Variants in DSG1 observed in about 807,000 individuals in gnomAD.
DSG1 encodes the protein desmoglein 1, also known as desmoglein-1.
Under a neutral mutation model 97.5 loss-of-function variants are expected in DSG1, and 39 were observed. The observed-to-expected ratio is 0.40, with a 90% confidence interval of 0.31 to 0.52. The LOEUF is 0.52. DSG1 is among the 20% of genes least tolerant of loss of function. The pLI is 0.53. For missense variants in DSG1, 1,311 were observed against 1,295.4 expected, an observed-to-expected ratio of 1.01 and a Z score of -0.18; for synonymous variants, 475 against 443.4, an observed-to-expected ratio of 1.07 and a Z score of -0.90.
chr18:31,349,470 G>C (rs1383764375), intron 14 of DSG1, among the ~76,000 whole-genome samples: 1 of 150,568 alleles, frequency 6.6e-6, no homozygotes, highest in Non-Finnish European at 1.5e-5. Context: ...GGTTCCATAT[G>C]AACTTTAAAG....
At chr18:31,343,216 A>G (rs2071801734) in intron 11 of DSG1, among the ~76,000 whole-genome samples, 1 of 152,032 alleles carries the variant, frequency 6.6e-6, no homozygotes, top group African/African-American at 2.4e-5. Flanking sequence ...CAGGCCCACT[A>G]TTTGTAATTT....
At position 31,357,990 on chromosome 18, in the gene DSG1, C is replaced by A. The variant is rs945264154; in HGVS notation, c.*2644C>A. ...AAGAAGTTTTGGGCAGAACTTCATT[C>A]TTCTTCTTAGATGTTTACTCTAGAT... On this transcript the variant is annotated 3_prime_UTR_variant, in exon 15 of 15. Transcript: ENST00000257192. Among the ~76,000 whole-genome samples the A allele has an allele frequency of 6.6e-6, 1 of 151,902 alleles. No individual in the cohort carries two copies. The highest frequency in any genetic ancestry group is 1.5e-5 in the Non-Finnish European group (1 of 67,868).
intron 4 of DSG1, among the ~76,000 whole-genome samples, chr18:31,329,084 A>G (rs1194055003): frequency 6.6e-6 from 1 of 152,122 alleles, no homozygotes; most frequent in Non-Finnish European, 1.5e-5. Flanking sequence ...TCTTCATTAA[A>G]TCAAAAGCAG....
In DSG1 at chr18:31,329,978, C is replaced by T; in HGVS notation, c.459C>T (p.Asn153=). 1.2e-6 allele frequency: 2 copies of T among 1,613,284 alleles called. No homozygotes were observed. Among genetic ancestry groups the T allele is most frequent in the Non-Finnish European group, 1.7e-6 (2 of 1,179,396 alleles). ...TCAGGGTTTTGGATATAAATGACAACCCTCCAGTGTTTTCAATGGCTACAT... is the reference window on the plus strand; with the variant it reads ...TCAGGGTTTTGGATATAAATGACAATCCTCCAGTGTTTTCAATGGCTACAT... ...LRVRVLDIND[N]PPVFSMATFA... is the part of the protein sequence containing the mutation. The change falls in exon 5 of 15, where the codon AAC becomes AAT. Residue 153 remains asparagine, a synonymous_variant. Coordinates refer to ENST00000257192, the MANE Select transcript of DSG1 (RefSeq NM_001942.4).
At position 31,355,365 on chromosome 18, in the gene DSG1, T is replaced by G; in HGVS notation, c.*19T>G. ...CAAGTAGTCAGGACCCCAGCTCACTTTTTCATAGTCATTGTGGTTTAGATC... is the reference window on the plus strand; with the variant it reads ...CAAGTAGTCAGGACCCCAGCTCACTGTTTCATAGTCATTGTGGTTTAGATC... On this transcript the variant is annotated 3_prime_UTR_variant, in exon 15 of 15. Transcript: ENST00000257192. 6.2e-7 allele frequency: 1 copy of G among 1,611,326 alleles called. No homozygotes were observed. The highest frequency in any genetic ancestry group is 1.3e-5 in the African/African-American group (1 of 74,976).
Position 31,336,491 on chromosome 18 carries a change from A to G in DSG1, c.1143A>G (p.Glu381=). ...AISVTVLNVI[E]GPVFRPGSKT... ...CTGTGACTGTGTTAAATGTAATTGA[A>G]GGCCCAGTGTTTCGTCCAGGTTCAA... is the stretch of plus-strand genomic sequence containing the variant. The change falls in exon 9 of 15, where the codon GAA becomes GAG. Residue 381 remains glutamate (E), a synonymous_variant. Coordinates refer to ENST00000257192, the MANE Select transcript of DSG1 (RefSeq NM_001942.4). 1 of 1,614,070 alleles carries G rather than the reference A, an allele frequency of 6.2e-7. No individual in the cohort carries two copies. The highest frequency in any genetic ancestry group is 1.1e-5 in the South Asian group (1 of 91,084).
intron 14 of DSG1, among the ~76,000 whole-genome samples, chr18:31,352,896 T>C (rs1265908612): frequency 5.0e-4 from 58 of 116,622 alleles, no homozygotes; most frequent in Non-Finnish European, 8.4e-4. Context: ...AGTTTTCAAC[T>C]TCTTTGCCTT....
intron 7 of DSG1, 49 bp from the exon 8 acceptor site, chr18:31,333,966 TTC>T (rs5823800): frequency 0.46 from 608,448 of 1,329,228 alleles, 148,032 homozygotes; most frequent in Non-Finnish European, 0.49. Flanking sequence ...CCTACTGTAG[TTC>T]TCTCTCTTTC....
At chr18:31,327,371 CT>C (rs1279053677) in intron 3 of DSG1, among the ~76,000 whole-genome samples, 1 of 152,122 alleles carries the variant, frequency 6.6e-6, no homozygotes, top group Non-Finnish European at 1.5e-5. Flanking sequence ...TGAATTCCTA[CT>C]TTTTTGTTTG....
rs1250908280 is a variant in DSG1 at position 31,326,876 on chromosome 18, A to G, written c.87A>G (p.Val29=). Residue 29 remains valine, a splice_region_variant and synonymous_variant, in exon 3 of 15, where the codon GTA becomes GTG. Transcript: ENST00000257192. ...VEVNSEFRIQ[V]RDYNTKNGTI... The stretch of plus-strand genomic sequence containing the variant: ...TTTCTTTATTGCTGTCATTTAAGGT[A>G]AGAGATTATAACACTAAAAATGGCA... 4 of 1,613,496 alleles carry G rather than the reference A, an allele frequency of 2.5e-6. No homozygotes were observed. Among genetic ancestry groups the G allele is most frequent in the Non-Finnish European group, 3.4e-6 (4 of 1,179,622 alleles).
chr18:31,328,049 T>C, intron 3 of DSG1, 140 bp from the exon 4 acceptor site: 1 of 810,700 alleles, frequency 1.2e-6, no homozygotes, highest in Non-Finnish European at 1.9e-6. Flanking sequence ...GTTACTCTTA[T>C]CTAGGAAAAT....
rs2071734495 is a variant in DSG1, at chr18:31,333,693, T to C, written c.789T>C (p.Asn263=). The C allele has an allele frequency of 6.2e-7, 1 of 1,613,828 alleles. No homozygotes were observed. Among genetic ancestry groups the C allele is most frequent in the Non-Finnish European group, 8.5e-7 (1 of 1,179,744 alleles). Residue 263 remains asparagine (N), a synonymous_variant, in exon 7 of 15, where the codon AAT becomes AAC. Coordinates refer to ENST00000257192, the MANE Select transcript of DSG1 (RefSeq NM_001942.4). ...GCAACATTAAAATCCTCGATGTCAATGATAATATCCCTTACATGGAACAGT... is the reference window on the plus strand; with the variant it reads ...GCAACATTAAAATCCTCGATGTCAACGATAATATCCCTTACATGGAACAGT... ...CECNIKILDV[N]DNIPYMEQSS...
At chr18:31,326,848 C>A (rs747620523) in intron 2 of DSG1, 26 bp from the exon 3 acceptor site, 1 of 1,608,614 alleles carries the variant, frequency 6.2e-7, no homozygotes, top group Non-Finnish European at 8.5e-7. Flanking sequence ...TTAATATATA[C>A]CATTTCTTTA....
chr18:31,320,589 T>C (rs2071647322), intron 1 of DSG1, among the ~76,000 whole-genome samples: 1 of 152,218 alleles, frequency 6.6e-6, no homozygotes, highest in African/African-American at 2.4e-5. Context: ...GGCTATTCCA[T>C]TGTTCTGACA....
chr18:31,326,536 C>A, intron 1 of DSG1, 45 bp from the exon 2 acceptor site: 3 of 1,381,886 alleles, frequency 2.2e-6, no homozygotes, highest in South Asian at 1.2e-5. Flanking sequence ...AATTTTAAAG[C>A]ATTTAATTAA....
chr18:31,327,204 T>C (rs763179996), intron 3 of DSG1, among the ~76,000 whole-genome samples, 199 bp downstream of exon 3: 1 of 152,042 alleles, frequency 6.6e-6, no homozygotes, highest in Non-Finnish European at 1.5e-5. Flanking sequence ...CAGGCAAACG[T>C]TGACTCACCT....
chr18:31,319,933 T>C (rs2071643328), intron 1 of DSG1, among the ~76,000 whole-genome samples: 1 of 151,942 alleles, frequency 6.6e-6, no homozygotes, highest in African/African-American at 2.4e-5. Flanking sequence ...TTTTTGGGAA[T>C]GGGGGAAGAG....
intron 11 of DSG1, among the ~76,000 whole-genome samples, chr18:31,341,043 G>A (rs973922224): frequency 2.6e-5 from 4 of 152,158 alleles, no homozygotes; most frequent in African/African-American, 7.2e-5. Flanking sequence ...GGCCACTAGG[G>A]TAGCACTAGT....
chr18:31,330,180 A>T (rs893999726), intron 5 of DSG1, 144 bp downstream of exon 5: 13 of 1,057,120 alleles, frequency 1.2e-5, no homozygotes, highest in Non-Finnish European at 1.8e-5. Flanking sequence ...TCAACTACGG[A>T]AGCAGCTCCA....
Sources: gnomAD v4.1 joint callset for allele counts (sites outside exome capture counted in the v4.1 genomes callset) on GRCh38, gnomAD v4.1.1 for gene constraint, MANE v1.5 for transcripts, NCBI Gene and HGNC (gene_info 2026-07-23, HGNC 2026-07-21) for gene names.